The following OTUD7A variants were observed in gnomAD, a reference collection of about 807,000 sequenced individuals.
The protein encoded by OTUD7A is OTU deubiquitinase 7A, also known as OTU domain-containing protein 7A.
OTUD7A carries 12 observed loss-of-function variants against 65.7 expected under a neutral mutation model. That is an observed-to-expected ratio of 0.18 (90% confidence interval 0.12 to 0.30). The LOEUF is 0.30. OTUD7A is among the 10% of genes least tolerant of loss of function. The probability of loss-of-function intolerance (pLI) is 1.00; values close to 1 mark genes in which losing one functional copy is unlikely to be tolerated. For missense variants in OTUD7A, 1,148 were observed against 1,304.8 expected (o/e 0.88, Z 1.85); for synonymous variants, 641 against 586.3 (o/e 1.09, Z -1.35).
chr15:31,539,891 C>T (rs17816055), intron 5 of OTUD7A, among the ~76,000 whole-genome samples: 42,787 of 152,002 alleles, frequency 0.28, 7,399 homozygotes, highest in East Asian at 0.66. Context: ...ATGTTCAAGA[C>T]GAAGGAAATG....
chr15:31,841,350 A>C (rs951834354), intron 1 of OTUD7A, among the ~76,000 whole-genome samples: 2 of 152,198 alleles, frequency 1.3e-5, no homozygotes, highest in African/African-American at 4.8e-5. Flanking sequence ...GAGGCTGCTG[A>C]ATGGTGGATG....
At chr15:31,712,023 G>A (rs1893459644) in intron 1 of OTUD7A, among the ~76,000 whole-genome samples, 1 of 151,392 alleles carries the variant, frequency 6.6e-6, no homozygotes, top group East Asian at 1.9e-4. Flanking sequence ...TTCTGGGCTA[G>A]TGGGAGGCTT....
intron 1 of OTUD7A, among the ~76,000 whole-genome samples, chr15:31,802,286 G>A (rs1896154779): frequency 6.6e-6 from 1 of 152,214 alleles, no homozygotes; most frequent in East Asian, 1.9e-4. Context: ...GTGGTCGAGG[G>A]CAGGAAGCAT....
chr15:31,507,586 G>C (rs1035480685), intron 8 of OTUD7A, among the ~76,000 whole-genome samples: 2 of 152,106 alleles, frequency 1.3e-5, no homozygotes, highest in South Asian at 4.1e-4. Flanking sequence ...AAGAACAAAG[G>C]TTCTAAACCA....
chr15:31,484,339 G>T lies in OTUD7A; in HGVS notation c.1757C>A (p.Ala586Asp). ...KGSKEESGAS[A>D]STSPSEKTTP... ...GGTCTTTTCCGACGGCGACGTGCTG[G>T]CCGACGCACCAGACTCCTCCTTGCT... is the stretch of plus-strand genomic sequence containing the variant. Residue 586 changes from alanine to aspartate, a missense_variant, in exon 13 of 13, where the codon GCC becomes GAC. Physicochemically the swap from Ala to Asp is moderately radical, Grantham distance 126. This residue lies in a region of OTUD7A where 842 missense variants were observed against 769.5 expected (regional missense o/e 1.09). Transcript: ENST00000307050. This position sits in a 1 kb window ranked among gnomAD's most constrained non-coding sequence, Gnocchi z 4.5. 4 of 1,600,264 alleles carry T rather than the reference G, an allele frequency of 2.5e-6. No homozygotes were observed. The highest frequency in any genetic ancestry group is 3.4e-6 in the Non-Finnish European group (4 of 1,179,194).
intron 1 of OTUD7A, among the ~76,000 whole-genome samples, chr15:31,723,993 TTTG>T (rs1475162876): frequency 2.3e-5 from 3 of 133,180 alleles, no homozygotes; most frequent in Non-Finnish European, 4.7e-5. Context: ...ACCTCAGAGT[TTTG>T]TTGTTGTTGT....
chr15:31,483,905 G>T lies in OTUD7A; in HGVS notation c.2191C>A (p.Arg731=). 1 of 1,026,416 alleles carries T rather than the reference G, an allele frequency of 9.7e-7. No individual in the cohort carries two copies. Among genetic ancestry groups the T allele is most frequent in the Non-Finnish European group, 1.2e-6 (1 of 856,750 alleles). 63.6% of individuals were successfully genotyped at this position (1,026,416 alleles called of 1,614,324 possible). ...CCTGCCGCGGGCCCGGGGCTCGGCC[G>T]CTCCTTGAGCTTGAGCACCAGCTGC... ...PTQLVLKLKE[R]PSPGPAAGRA... is the part of the protein sequence containing the mutation. The change falls in exon 13 of 13, where the codon CGG becomes AGG. Residue 731 remains arginine, a synonymous_variant. Transcript: ENST00000307050.
At chr15:31,610,607 A>ATTTTTTTTTTTT (rs1395271113) in intron 3 of OTUD7A, among the ~76,000 whole-genome samples, 6 of 39,562 alleles carry the variant, frequency 1.5e-4, no homozygotes, top group Non-Finnish European at 2.8e-4. Flanking sequence ...ATATATATAT[A>ATTTTTTTTTTTT]TATATATATA....
At chr15:31,603,354 T>G (rs986095445) in intron 3 of OTUD7A, among the ~76,000 whole-genome samples, 1 of 152,348 alleles carries the variant, frequency 6.6e-6, no homozygotes, top group South Asian at 2.1e-4. Flanking sequence ...AAGGATTCCC[T>G]ATTTAATAAA....
At chr15:31,854,903 T>A (rs1470452970) in intron 1 of OTUD7A, among the ~76,000 whole-genome samples, 1 of 150,402 alleles carries the variant, frequency 6.6e-6, no homozygotes, top group Admixed American at 6.6e-5. Context: ...AAATAAAAAT[T>A]AAAATAAATG....
intron 6 of OTUD7A, among the ~76,000 whole-genome samples, chr15:31,530,328 A>G (rs11071164): frequency 0.6 from 91,144 of 152,024 alleles, 27,655 homozygotes; most frequent in East Asian, 0.7. Flanking sequence ...CTTTATCTGC[A>G]GGGTCTCCCT....
chr15:31,691,137 A>T (rs1013885004), intron 1 of OTUD7A, among the ~76,000 whole-genome samples: 1 of 152,144 alleles, frequency 6.6e-6, no homozygotes, highest in Non-Finnish European at 1.5e-5. Context: ...GATTAGAAGA[A>T]TTAATATTGT....
intron 5 of OTUD7A, among the ~76,000 whole-genome samples, chr15:31,551,644 G>A (rs73372546): frequency 0.062 from 9,513 of 152,210 alleles, 985 homozygotes; most frequent in African/African-American, 0.22. Flanking sequence ...ATCACCCCAC[G>A]ACATTTTGAT....
intron 1 of OTUD7A, among the ~76,000 whole-genome samples, chr15:31,678,097 G>C (rs2141302380): frequency 6.6e-6 from 1 of 152,338 alleles, no homozygotes; most frequent in South Asian, 2.1e-4. Context: ...CCCTGCCCTA[G>C]GGATCTGTGG....
intron 3 of OTUD7A, among the ~76,000 whole-genome samples, chr15:31,592,722 T>C (rs1889765032): frequency 6.7e-6 from 1 of 150,308 alleles, no homozygotes; most frequent in Non-Finnish European, 1.5e-5. Flanking sequence ...CTACTAAAAA[T>C]ACAAAAAATT....
chr15:31,600,219 G>A (rs1029596875), intron 3 of OTUD7A, among the ~76,000 whole-genome samples: 1 of 152,158 alleles, frequency 6.6e-6, no homozygotes, highest in Non-Finnish European at 1.5e-5. Context: ...ATTCACCAAG[G>A]TTGAAATGCA....
intron 3 of OTUD7A, among the ~76,000 whole-genome samples, chr15:31,627,712 G>A (rs190017068): frequency 3.1e-4 from 47 of 152,294 alleles, no homozygotes; most frequent in Admixed American, 1.4e-3. Flanking sequence ...CACCAACAGT[G>A]TAAAAGTGTT....
intron 1 of OTUD7A, chr15:31,767,908 G>A (rs1199580348): frequency 6.6e-7 from 1 of 1,506,790 alleles, no homozygotes; most frequent in Non-Finnish European, 9.2e-7. Flanking sequence ...TGAAGAGCTG[G>A]TTGTTATCAT....
At chr15:31,813,192 G>A (rs762361456) in intron 1 of OTUD7A, among the ~76,000 whole-genome samples, 5 of 152,214 alleles carry the variant, frequency 3.3e-5, no homozygotes, top group Non-Finnish European at 5.9e-5. Context: ...GGCCAAGCAC[G>A]TGCAGGTATA....
Sources: allele counts gnomAD v4.1 joint callset (sites outside exome capture counted in the v4.1 genomes callset), GRCh38; gene constraint gnomAD v4.1.1; regional missense constraint gnomAD v4.1.1; non-coding constraint Gnocchi (gnomAD v3.1); transcripts MANE v1.5; gene names NCBI Gene and HGNC (gene_info 2026-07-23, HGNC 2026-07-21).